Variants in LONRF2 observed in about 807,000 individuals in gnomAD.
LONRF2 encodes LON peptidase N-terminal domain and ring finger 2, also known as LON peptidase N-terminal domain and RING finger protein 2.
In LONRF2, 35 loss-of-function variants were observed where a neutral mutation model predicts 66.6. The ratio of observed to expected loss-of-function variants is 0.53; its 90% CI spans 0.40 to 0.70. LONRF2 has a LOEUF of 0.70. Among genes scored for constraint, LONRF2 ranks in the 30% least tolerant of loss-of-function variants. The pLI, the probability that LONRF2 is intolerant of heterozygous loss-of-function variation, is 0.00. For synonymous variants in LONRF2, 417 were observed against 418.1 expected (o/e 1.00, Z 0.03); for missense variants, 902 against 1,002.1 (o/e 0.90, Z 1.35).
chr2:100,322,000 C>G lies in LONRF2; in HGVS notation c.94G>C (p.Glu32Gln), dbSNP rs1207833824. The G allele has an allele frequency of 6.9e-7, 1 of 1,456,794 alleles. No homozygotes were observed. The highest frequency in any genetic ancestry group is 2.9e-5 in the East Asian group (1 of 34,150). The allele number at this position is 1,456,794 out of a possible 1,614,324, so 90.2% of individuals were successfully genotyped here. A position where few individuals can be genotyped will look rare whatever the true frequency, so the allele number is the denominator to read the frequency against. The change falls in exon 1 of 12, where the codon GAG becomes CAG. Residue 32 changes from glutamate (E) to glutamine (Q), a missense_variant. Transcript: ENST00000393437. The stretch of plus-strand genomic sequence containing the variant: ...TCGTAGTCGCCCGCGCGGAAGGCCT[C>G]GTCGCCCTCCTCTAAGCGCTGGGCG... ...PIAQRLEEGDEAFRAGDYEMA... is the reference protein window; with the variant it reads ...PIAQRLEEGDQAFRAGDYEMA...
chr2:100,295,314 C>A, intron 8 of LONRF2, 118 bp downstream of exon 8: 3 of 873,140 alleles, frequency 3.4e-6, no homozygotes, highest in Non-Finnish European at 1.6e-6. Flanking sequence ...AATTAACATC[C>A]TTTTCCATTT....
chr2:100,306,353 G>T (rs1007301505), intron 2 of LONRF2, among the ~76,000 whole-genome samples: 2 of 152,070 alleles, frequency 1.3e-5, no homozygotes, highest in Admixed American at 6.5e-5. Context: ...TGTCTTATAC[G>T]CACAAAGAAC....
At chr2:100,289,153 A>G (rs77462475) in intron 10 of LONRF2, among the ~76,000 whole-genome samples, 1 of 141,716 alleles carries the variant, frequency 7.1e-6, no homozygotes. Flanking sequence ...ACTGCTGTTC[A>G]TGAGTCAAAC....
intron 10 of LONRF2, among the ~76,000 whole-genome samples, chr2:100,289,316 T>C (rs1425297793): frequency 2.0e-5 from 3 of 152,202 alleles, no homozygotes; most frequent in African/African-American, 7.2e-5. Flanking sequence ...AAAGTACTTA[T>C]TAGCCGGCCC....
intron 7 of LONRF2, among the ~76,000 whole-genome samples, chr2:100,296,258 T>C (rs1288567440): frequency 6.6e-6 from 1 of 152,176 alleles, no homozygotes; most frequent in Non-Finnish European, 1.5e-5. Flanking sequence ...CACTGTTTTA[T>C]TGCAGGCATG....
chr2:100,312,721 G>A (rs1031830902), intron 1 of LONRF2, among the ~76,000 whole-genome samples: 8 of 152,254 alleles, frequency 5.3e-5, no homozygotes, highest in African/African-American at 9.6e-5. Context: ...CTTTGTTGAC[G>A]TCCACCATTT....
intron 8 of LONRF2, 103 bp from the exon 9 acceptor site, chr2:100,294,490 C>A (rs367793963): frequency 1.3e-5 from 14 of 1,062,594 alleles, no homozygotes; most frequent in African/African-American, 1.2e-4. Flanking sequence ...CAGTTCTCCC[C>A]TCTACAAAAC....
rs553593152 is a variant in LONRF2, at chr2:100,275,234, T to A, written c.*9064A>T. The A allele has an allele frequency of 6.6e-6, 1 of 152,300 alleles. No individual in the cohort carries two copies. The allele number at this position is 152,300 out of a possible 1,614,324, so 9.4% of individuals were successfully genotyped here. ...GGTATAATTGTATAATTGGATGCAC[T>A]GGGTCCCTCTGAATTCCCTACCTGG... On this transcript the variant is annotated 3_prime_UTR_variant, in exon 12 of 12. Transcript: ENST00000393437.
chr2:100,304,790 A>ATTTTTTTTT (rs3039614), intron 2 of LONRF2, among the ~76,000 whole-genome samples: 5 of 113,184 alleles, frequency 4.4e-5, no homozygotes, highest in Non-Finnish European at 6.8e-5. Flanking sequence ...TGCCTGGCTA[A>ATTTTTTTTT]TTTTTTTTTT....
At chr2:100,295,403 G>A (rs1675044179) in intron 8 of LONRF2, 29 bp downstream of exon 8, 1 of 1,599,754 alleles carries the variant, frequency 6.3e-7, no homozygotes, top group Non-Finnish European at 8.5e-7. Flanking sequence ...CTGAACTTAA[G>A]ACCAAGGACA....
intron 2 of LONRF2, among the ~76,000 whole-genome samples, chr2:100,303,691 C>T (rs1370654449): frequency 6.6e-6 from 1 of 152,126 alleles, no homozygotes; most frequent in African/African-American, 2.4e-5. Context: ...TATTATTTCC[C>T]TGTATGTCAT....
At chr2:100,291,848 C>T (rs1382581999) in intron 9 of LONRF2, among the ~76,000 whole-genome samples, 2 of 152,156 alleles carry the variant, frequency 1.3e-5, no homozygotes, top group Non-Finnish European at 2.9e-5. Flanking sequence ...AACTATCACC[C>T]GTAACCTAGT....
Position 100,321,684 on chromosome 2 carries a change from G to T in LONRF2, c.410C>A (p.Pro137His). Residue 137 changes from proline (P) to histidine (H), a missense_variant, in exon 1 of 12, where the codon CCC becomes CAC. Coordinates refer to ENST00000393437, the MANE Select transcript of LONRF2 (RefSeq NM_198461.4). ...GCGCGGGCAGCCGAGCAGGTCGCGG[G>T]GCGCGCGGGGCTCCGGGGCCGGCCC... ...EGGPAPEPRA[P>H]RDLLGCPRCR... The T allele has an allele frequency of 8.0e-7, 1 of 1,246,980 alleles. No individual in the cohort carries two copies. Among genetic ancestry groups the T allele is most frequent in the Non-Finnish European group, 1.0e-6 (1 of 999,722 alleles). The allele number at this position is 1,246,980 out of a possible 1,614,324, so 77.2% of individuals were successfully genotyped here. A position where few individuals can be genotyped will look rare whatever the true frequency, so the allele number is the denominator to read the frequency against.
chr2:100,302,984 C>T lies in LONRF2; in HGVS notation c.858G>A (p.Lys286=), dbSNP rs1296439005. Residue 286 remains lysine (K), a synonymous_variant, in exon 3 of 12, where the codon AAG becomes AAA. Transcript: ENST00000393437. Reference sequence around the variant, plus strand: ...TCAGAGCAAGGCAGTAGAGAAATTCCTTTAACACTTCCTTACTTCTTCCCA... The same window carrying T: ...TCAGAGCAAGGCAGTAGAGAAATTCTTTTAACACTTCCTTACTTCTTCCCA... ...SGLGRSKEVL[K]EFLYCLALNP... The T allele has an allele frequency of 1.9e-6, 3 of 1,611,762 alleles. No individual in the cohort carries two copies. The African/African-American group carries it at 4.0e-5, about 22-fold the overall frequency.
chr2:100,307,594 G>C (rs1675323836), intron 2 of LONRF2, among the ~76,000 whole-genome samples: 2 of 152,122 alleles, frequency 1.3e-5, no homozygotes, highest in Admixed American at 1.3e-4. Context: ...CAGGGGAGAG[G>C]AATTGGGGCG....
intron 9 of LONRF2, among the ~76,000 whole-genome samples, chr2:100,293,110 T>C (rs1241592234): frequency 6.6e-6 from 1 of 152,192 alleles, no homozygotes; most frequent in Non-Finnish European, 1.5e-5. Flanking sequence ...ACACGGATTC[T>C]AAAATCAGCT....
Position 100,284,017 on chromosome 2 carries a change from G to T in LONRF2, c.*281C>A. The T allele has an allele frequency of 3.1e-6, 1 of 318,808 alleles. No individual in the cohort carries two copies. Among genetic ancestry groups the T allele is most frequent in the Non-Finnish European group, 5.8e-6 (1 of 172,312 alleles). 19.7% of individuals were successfully genotyped at this position (318,808 alleles called of 1,614,324 possible). The stretch of plus-strand genomic sequence containing the variant: ...TAAACCATCTGCAGGGTCCTGTGCT[G>T]TCAGTGAACTGCATTCCCCAAGCAC... On this transcript the variant is annotated 3_prime_UTR_variant, in exon 12 of 12. Transcript: ENST00000393437.
At chr2:100,308,449 T>C (rs1675340689) in intron 2 of LONRF2, among the ~76,000 whole-genome samples, 1 of 152,248 alleles carries the variant, frequency 6.6e-6, no homozygotes, top group Non-Finnish European at 1.5e-5. Flanking sequence ...ATAGCAAATA[T>C]TTTTAATTAT....
At chr2:100,294,182 G>T in intron 9 of LONRF2, 47 bp downstream of exon 9, 1 of 1,585,682 alleles carries the variant, frequency 6.3e-7, no homozygotes, top group African/African-American at 1.4e-5. Flanking sequence ...AATGACAAAC[G>T]ATGCCCTTCA....
Sources: gnomAD v4.1 joint callset for allele counts (sites outside exome capture counted in the v4.1 genomes callset) on GRCh38, gnomAD v4.1.1 for gene constraint, MANE v1.5 for transcripts, NCBI Gene and HGNC (gene_info 2026-07-23, HGNC 2026-07-21) for gene names.